Variants in IGSF9B observed in about 807,000 individuals in gnomAD.
IGSF9B encodes the protein protein turtle homolog B.
A neutral mutation model predicts 143.7 loss-of-function variants in IGSF9B; 48 were observed. The observed-to-expected ratio is 0.33, with a 90% CI of 0.26 to 0.42. The LOEUF is 0.42. Ranked by LOEUF, IGSF9B falls within the 20% of genes least tolerant of loss-of-function variation. The pLI is 1.00. For missense variants in IGSF9B, 1,706 were observed against 1,980.0 expected (o/e 0.86, Z 2.63); for synonymous variants, 903 against 833.1 (o/e 1.08, Z -1.44).
At chr11:133,914,091 A>G (rs1049556275) in intron 18 of IGSF9B, among the ~76,000 whole-genome samples, 1 of 152,228 alleles carries the variant, frequency 6.6e-6, no homozygotes, top group Non-Finnish European at 1.5e-5. Context: ...TAGAATCAAC[A>G]TCTTATCACT....
chr11:133,933,406 G>T (rs1389358122), intron 7 of IGSF9B, among the ~76,000 whole-genome samples: 3 of 152,348 alleles, frequency 2.0e-5, no homozygotes, highest in Non-Finnish European at 4.4e-5. Context: ...TCTGCTGGTT[G>T]ACCAGCCTTC....
At chr11:133,940,922 C>T (rs1159897961) in intron 3 of IGSF9B, among the ~76,000 whole-genome samples, 1 of 152,224 alleles carries the variant, frequency 6.6e-6, no homozygotes, top group Admixed American at 6.5e-5. Flanking sequence ...TCACTGAGAG[C>T]GTGCTTATCT....
intron 1 of IGSF9B, 87 bp from the exon 2 acceptor site, chr11:133,946,345 C>A (rs1940051987): frequency 1.7e-6 from 2 of 1,194,356 alleles, no homozygotes; most frequent in African/African-American, 1.5e-5. Context: ...ACAGGGTCAC[C>A]CCGCCCCCCA....
rs1381133792 is a variant in IGSF9B at position 133,897,022 on chromosome 11, G to A, written c.*12047C>T. ...CCTCTTCCCCAGGAAAGCAAGGAAG[G>A]GTTCGGGAGGAGACAGTTCCTCCTA... On this transcript the variant is annotated 3_prime_UTR_variant, in exon 20 of 20. Transcript: ENST00000533871. 1 of 152,272 alleles carries A rather than the reference G, an allele frequency of 6.6e-6. No individual in the cohort carries two copies. The highest frequency in any genetic ancestry group is 1.5e-5 in the Non-Finnish European group (1 of 68,130). The allele number at this position is 152,272 out of a possible 1,614,324, so 9.4% of individuals were successfully genotyped here.
rs562751529 is a variant in IGSF9B at position 133,935,419 on chromosome 11, G to A, written c.967+198C>T. ...GGCTGAACAGCGACGCCTGGCCAGC[G>A]AAGTAGGAGCTGCTCCACCCCAACT... On this transcript the variant is annotated intron_variant, in intron 7 of 19. Coordinates refer to ENST00000533871, the MANE Select transcript of IGSF9B (RefSeq NM_001277285.4). Among the ~76,000 whole-genome samples the A allele has an allele frequency of 3.2e-4, 49 of 152,314 alleles. No individual in the cohort carries two copies. The South Asian group carries it at 6.4e-3, about 20-fold the overall frequency.
At chr11:133,915,338 G>C (rs1339979333) in intron 18 of IGSF9B, among the ~76,000 whole-genome samples, 1 of 139,478 alleles carries the variant, frequency 7.2e-6, no homozygotes, top group Non-Finnish European at 1.5e-5. Context: ...GCGCAATCTC[G>C]GCTCACTGCT....
At chr11:133,935,870 TG>T in intron 6 of IGSF9B, 108 bp from the exon 7 acceptor site, 1 of 1,454,104 alleles carries the variant, frequency 6.9e-7, no homozygotes, top group East Asian at 2.4e-5. Context: ...CCCATGCCCC[TG>T]GCATCCCCAG....
intron 5 of IGSF9B, among the ~76,000 whole-genome samples, chr11:133,936,422 C>T (rs1939825050): frequency 6.6e-6 from 1 of 152,162 alleles, no homozygotes; most frequent in Admixed American, 6.5e-5. Context: ...CCCCTTCCTG[C>T]CTGCCTTCTC....
In IGSF9B at chr11:133,920,261, G is replaced by A. The variant is rs753970662; in HGVS notation, c.3464C>T (p.Pro1155Leu). Reference protein sequence around the residue: ...PVLPYPEPAEPGAHGGPSTFG... With the variant: ...PVLPYPEPAELGAHGGPSTFG... ...TGTGCTGGGGCCGCCGTGCGCCCCC[G>A]GCTCAGCCGGCTCGGGGTAAGGCAG... is the stretch of plus-strand genomic sequence containing the variant. Residue 1155 changes from proline to leucine, a missense_variant, in exon 18 of 20, where the codon CCG becomes CTG. Pro to Leu is a moderately conservative substitution (Grantham distance 98, BLOSUM62 -3). Transcript: ENST00000533871. The A allele has an allele frequency of 3.3e-6, 5 of 1,518,938 alleles. No homozygotes were observed. Among genetic ancestry groups the A allele is most frequent in the East Asian group, 2.3e-5 (1 of 43,828 alleles). The allele number at this position is 1,518,938 out of a possible 1,614,324, so 94.1% of individuals were successfully genotyped here.
chr11:133,956,949 G>A lies in IGSF9B; in HGVS notation c.-195C>T, dbSNP rs1270472168. ...GCTCGGCGCGCGCCTCCCCGGCCCCGGCGCAGCGGCACCTGCACTACTCGC... is the reference window on the plus strand; with the variant it reads ...GCTCGGCGCGCGCCTCCCCGGCCCCAGCGCAGCGGCACCTGCACTACTCGC... On this transcript the variant is annotated 5_prime_UTR_variant, in exon 1 of 20. Coordinates refer to ENST00000533871, the MANE Select transcript of IGSF9B (RefSeq NM_001277285.4). 5 of 375,574 alleles carry A rather than the reference G, an allele frequency of 1.3e-5. No individual in the cohort carries two copies. The highest frequency in any genetic ancestry group is 4.6e-5 in the Admixed American group (1 of 21,606). The allele number at this position is 375,574 out of a possible 1,614,324, so 23.3% of individuals were successfully genotyped here. A position where few individuals can be genotyped will look rare whatever the true frequency, so the allele number is the denominator to read the frequency against.
At chr11:133,936,338 C>T in intron 5 of IGSF9B, 144 bp from the exon 6 acceptor site, 1 of 725,018 alleles carries the variant, frequency 1.4e-6, no homozygotes, top group East Asian at 2.7e-5. Flanking sequence ...CTTCCAGATG[C>T]TATCTGTGCT....
chr11:133,942,458 A>G (rs1445525920), intron 3 of IGSF9B, among the ~76,000 whole-genome samples: 2 of 152,192 alleles, frequency 1.3e-5, no homozygotes, highest in African/African-American at 4.8e-5. Context: ...ACTCGTGCAA[A>G]CTAACACAGA....
intron 15 of IGSF9B, 115 bp downstream of exon 15, chr11:133,924,705 G>C (rs3737491): frequency 1.2e-6 from 1 of 841,400 alleles, no homozygotes; most frequent in South Asian, 1.5e-5. Flanking sequence ...ACCAGGCACT[G>C]CCTTAGTTTC....
intron 1 of IGSF9B, among the ~76,000 whole-genome samples, chr11:133,949,861 G>A (rs1327404325): frequency 6.6e-6 from 1 of 152,202 alleles, no homozygotes; most frequent in African/African-American, 2.4e-5. Flanking sequence ...ATTGTCAGGA[G>A]TGGGCACAGG....
chr11:133,939,686 G>A (rs538326768), intron 3 of IGSF9B, among the ~76,000 whole-genome samples: 1 of 152,376 alleles, frequency 6.6e-6, no homozygotes, highest in Admixed American at 6.5e-5. Flanking sequence ...ACGGAGGGTG[G>A]CCACTGAATG....
In IGSF9B at chr11:133,906,335, G is replaced by A. The variant is rs979625722; in HGVS notation, c.*2734C>T. Among the ~76,000 whole-genome samples, 14 of 152,226 alleles carry A rather than the reference G, an allele frequency of 9.2e-5. No individual in the cohort carries two copies. Among genetic ancestry groups the A allele is most frequent in the Admixed American group, 6.5e-4 (10 of 15,284 alleles). ...GGAACTGCGTTCCACCAATCCCATC[G>A]CCGTCCACGGGCTGCAGGAGGGCTG... On this transcript the variant is annotated 3_prime_UTR_variant, in exon 20 of 20. Coordinates refer to ENST00000533871, the MANE Select transcript of IGSF9B (RefSeq NM_001277285.4).
At chr11:133,932,035 CCTCA>C in intron 8 of IGSF9B, 32 bp downstream of exon 8, 2 of 1,589,150 alleles carry the variant, frequency 1.3e-6, no homozygotes, top group Non-Finnish European at 1.7e-6. Flanking sequence ...TGGGGGGAGC[CCTCA>C]CTCCAACCCT....
At position 133,909,206 on chromosome 11, in the gene IGSF9B, G is replaced by A. The variant is rs1186715166; in HGVS notation, c.4177C>T (p.Arg1393Ter). The A allele has an allele frequency of 9.1e-6, 14 of 1,535,862 alleles. No individual in the cohort carries two copies. Among genetic ancestry groups the A allele is most frequent in the Non-Finnish European group, 1.1e-5 (13 of 1,146,736 alleles). ...GGACGAGAATGTCTCTTCTTCTTTC[G>A]GAGGCAGACAGCTTCATCGGGCCAC... ...VLWPDEAVCL[R>*]KKKRHSRPDP... is the part of the protein sequence containing the mutation. Residue 1393 changes from arginine (R) to a stop codon, truncating the protein, a stop_gained, in exon 20 of 20, where the codon CGA becomes TGA. Transcript: ENST00000533871. LOFTEE classifies it high-confidence loss of function. This position sits in a 1 kb window ranked among gnomAD's most constrained non-coding sequence, Gnocchi z 4.2.
At chr11:133,911,670 G>A (rs560460765) in intron 19 of IGSF9B, among the ~76,000 whole-genome samples, 23 of 152,244 alleles carry the variant, frequency 1.5e-4, no homozygotes, top group Admixed American at 4.6e-4. Context: ...TATCTTTCTC[G>A]TTTTGTATAT....
Sources: allele counts gnomAD v4.1 joint callset (sites outside exome capture counted in the v4.1 genomes callset), GRCh38; gene constraint gnomAD v4.1.1; non-coding constraint Gnocchi (gnomAD v3.1); transcripts MANE v1.5; gene names NCBI Gene and HGNC (gene_info 2026-07-23, HGNC 2026-07-21).